KCNQ1: variants seen among roughly 807,000 people sequenced by gnomAD.
The protein encoded by KCNQ1 is potassium voltage-gated channel subfamily KQT member 1.
A neutral mutation model predicts 72.4 loss-of-function variants in KCNQ1; 49 were observed. The observed-to-expected ratio is 0.68, with a 90% CI of 0.54 to 0.86. The LOEUF (loss-of-function observed/expected upper bound fraction) is 0.86, where lower values mean the gene tolerates loss of function less well. Among genes scored for constraint, KCNQ1 ranks in the 40% least tolerant of loss-of-function variants. The pLI, the probability that KCNQ1 is intolerant of heterozygous loss-of-function variation, is 0.00. For synonymous variants in KCNQ1, 450 were observed against 412.6 expected (o/e 1.09, Z -1.10); for missense variants, 790 against 945.1 (o/e 0.84, Z 2.15).
intron 10 of KCNQ1, chr11:2,649,963 G>A (rs887847719): frequency 8.3e-5 from 33 of 398,280 alleles, no homozygotes; most frequent in Middle Eastern, 6.2e-4. Flanking sequence ...CATATGTCAC[G>A]CAGGCATTCT....
rs12290659 is a variant in KCNQ1 at position 2,626,147 on chromosome 11, T to C, written c.1394-35814T>C. ...CGCATACAAGAAGCACTGCCAATGA[T>C]GTAAAGTTTTTCCCCTATGTTTCCT... On this transcript the variant is annotated intron_variant, in intron 10 of 15. Transcript: ENST00000155840. The surrounding 1 kb of genome is among the most constrained non-coding windows in gnomAD (Gnocchi z 4.0). 1,370 of 397,800 alleles carry C rather than the reference T, an allele frequency of 3.4e-3. 13 individuals carry two copies. Among genetic ancestry groups the C allele is most frequent in the African/African-American group, 0.021 (996 of 47,978 alleles). 24.6% of individuals were successfully genotyped at this position (397,800 alleles called of 1,614,324 possible). A position where few individuals can be genotyped will look rare whatever the true frequency, so the allele number is the denominator to read the frequency against.
chr11:2,697,891 G>C, intron 11 of KCNQ1: 1 of 398,580 alleles, frequency 2.5e-6, no homozygotes, highest in African/African-American at 2.1e-5. Context: ...CCTCTAGCTG[G>C]AGCATAAATC....
At chr11:2,630,310 G>T in intron 10 of KCNQ1, 1 of 397,932 alleles carries the variant, frequency 2.5e-6, no homozygotes, top group South Asian at 1.3e-4. Context: ...AATTCAGTTT[G>T]ATCATATTTT....
intron 15 of KCNQ1, among the ~76,000 whole-genome samples, chr11:2,812,071 G>T (rs1465760717): frequency 6.6e-6 from 1 of 152,010 alleles, no homozygotes; most frequent in East Asian, 1.9e-4. Context: ...TCTCTAAGCC[G>T]CCGCCTCCTC....
rs11827546 is a variant in KCNQ1 at position 2,712,772 on chromosome 11, A to G, written c.1514+50691A>G. Among the ~76,000 whole-genome samples the G allele has an allele frequency of 0.015, 2,326 of 152,284 alleles. 63 individuals are homozygous for G. Among genetic ancestry groups the G allele is most frequent in the African/African-American group, 0.053 (2,192 of 41,562 alleles). On this transcript the variant is annotated intron_variant, in intron 11 of 15. Coordinates refer to ENST00000155840, the MANE Select transcript of KCNQ1 (RefSeq NM_000218.3). The surrounding 1 kb of genome is among the most constrained non-coding windows in gnomAD (Gnocchi z 6.4). ...AAAGCCAGAGTCCCCTGGCTCCTGC[A>G]CTTTTTCTGCACGGGACTCCCTCAC...
At chr11:2,587,760 A>G (rs1299047487) in intron 9 of KCNQ1, 68 bp downstream of exon 9, 6 of 1,606,002 alleles carry the variant, frequency 3.7e-6, no homozygotes, top group Non-Finnish European at 5.1e-6. Flanking sequence ...TGGGGGCCGC[A>G]GCACGAGGCT....
At position 2,565,936 on chromosome 11, in the gene KCNQ1, G is replaced by A. The variant is rs1163801976; in HGVS notation, c.478-4692G>A. On this transcript the variant is annotated intron_variant, in intron 2 of 15. Coordinates refer to ENST00000155840, the MANE Select transcript of KCNQ1 (RefSeq NM_000218.3). The surrounding 1 kb of genome is among the most constrained non-coding windows in gnomAD (Gnocchi z 5.6). ...GGCTCTTGTGCCTGCACCCGCCTTG[G>A]GGCCATCTGACACCCACACCCTCCC... 6.6e-6 allele frequency among the ~76,000 whole-genome samples: 1 copy of A among 152,018 alleles called. No homozygotes were observed. Among genetic ancestry groups the A allele is most frequent in the Non-Finnish European group, 1.5e-5 (1 of 67,994 alleles).
intron 10 of KCNQ1, among the ~76,000 whole-genome samples, chr11:2,596,744 T>G (rs914853229): frequency 6.6e-6 from 1 of 152,090 alleles, no homozygotes; most frequent in Non-Finnish European, 1.5e-5. Context: ...AAAAAAACTT[T>G]TGGGGCAGTG....
Position 2,620,729 on chromosome 11 carries a change from T to C in KCNQ1, c.1393+31875T>C, listed in dbSNP as rs1849155853. The stretch of plus-strand genomic sequence containing the variant: ...CCAGTAATGGGATTGCTGGGTCAGA[T>C]GGTAGTTCTGTTTTCAGTTATTTGA... On this transcript the variant is annotated intron_variant, in intron 10 of 15. Transcript: ENST00000155840. This position sits in a 1 kb window ranked among gnomAD's most constrained non-coding sequence, Gnocchi z 4.5. The C allele has an allele frequency of 2.5e-6, 1 of 398,624 alleles. No individual in the cohort carries two copies. Among genetic ancestry groups the C allele is most frequent in the Non-Finnish European group, 4.4e-6 (1 of 226,068 alleles). 24.7% of individuals were successfully genotyped at this position (398,624 alleles called of 1,614,324 possible).
Position 2,807,135 on chromosome 11 carries a change from G to A in KCNQ1, c.1794+29098G>A, listed in dbSNP as rs144231932. Among the ~76,000 whole-genome samples the A allele has an allele frequency of 1.6e-3, 246 of 152,348 alleles. 1 individual carries two copies. The highest frequency in any genetic ancestry group is 4.1e-3 in the African/African-American group (169 of 41,576). On this transcript the variant is annotated intron_variant, in intron 15 of 15. Coordinates refer to ENST00000155840, the MANE Select transcript of KCNQ1 (RefSeq NM_000218.3). ...AGTGTTTAAATGGCTGCTTTAGCCC[G>A]TTTGGAAGTCTGCTAATTATTCTCT...
At position 2,756,640 on chromosome 11, in the gene KCNQ1, G is replaced by T. The variant is rs1259115682; in HGVS notation, c.1515-12204G>T. Among the ~76,000 whole-genome samples, 3 of 152,084 alleles carry T rather than the reference G, an allele frequency of 2.0e-5. No individual in the cohort carries two copies. In the East Asian group the frequency reaches 5.8e-4, roughly 29 times the overall value. On this transcript the variant is annotated intron_variant, in intron 11 of 15. Transcript: ENST00000155840. ...TTTGTTTGTTTGTTTTTGTAGAGAT[G>T]TGGTTTGGCCGTGTTGCCCAGGCTG...
At chr11:2,776,335 C>T (rs1384358650) in intron 13 of KCNQ1, among the ~76,000 whole-genome samples, 2 of 152,096 alleles carry the variant, frequency 1.3e-5, no homozygotes, top group Non-Finnish European at 2.9e-5. Context: ...AGGCAAACAC[C>T]CGCCTCCGTC....
rs929714843 is a variant in KCNQ1 at position 2,611,680 on chromosome 11, T to C, written c.1393+22826T>C. 1.8e-5 allele frequency: 7 copies of C among 398,506 alleles called. No individual in the cohort carries two copies. In the South Asian group the frequency reaches 7.6e-4, roughly 43 times the overall value. The allele number at this position is 398,506 out of a possible 1,614,324, so 24.7% of individuals were successfully genotyped here. On this transcript the variant is annotated intron_variant, in intron 10 of 15. Transcript: ENST00000155840. This position sits in a 1 kb window ranked among gnomAD's most constrained non-coding sequence, Gnocchi z 5.3. ...AGGCAGTCTGGCAATCTCTGCTCTT[T>C]ATTGAGTTTTTAATTCACTTATATG... is the stretch of plus-strand genomic sequence containing the variant.
rs559703048 is a variant in KCNQ1, at chr11:2,550,254, C to T, written c.478-20374C>T. 2.0e-5 allele frequency among the ~76,000 whole-genome samples: 3 copies of T among 152,226 alleles called. No homozygotes were observed. The highest frequency in any genetic ancestry group is 2.1e-4 in the South Asian group (1 of 4,836). On this transcript the variant is annotated intron_variant, in intron 2 of 15. Transcript: ENST00000155840. The surrounding 1 kb of genome is among the most constrained non-coding windows in gnomAD (Gnocchi z 6.0). ...CCTGGAGTTTGAACTTTTCTGATCA[C>T]GGGGTGAGAGGGTCTTTGCAGTTGC...
In KCNQ1 at chr11:2,725,903, G is replaced by A. The variant is rs961111727; in HGVS notation, c.1515-42941G>A. On this transcript the variant is annotated intron_variant, in intron 11 of 15. Coordinates refer to ENST00000155840, the MANE Select transcript of KCNQ1 (RefSeq NM_000218.3). The surrounding 1 kb of genome is among the most constrained non-coding windows in gnomAD (Gnocchi z 7.2). The stretch of plus-strand genomic sequence containing the variant: ...TGGAGAGGCAGGAGGCCAACTCCCC[G>A]CTCCTCAGATTCTGCTGAACTAACT... Among the ~76,000 whole-genome samples the A allele has an allele frequency of 2.0e-5, 3 of 151,508 alleles. No homozygotes were observed. The highest frequency in any genetic ancestry group is 2.0e-4 in the East Asian group (1 of 5,098).
rs1229595695 is a variant in KCNQ1, at chr11:2,848,452, G to A, written c.*449G>A. Reference sequence around the variant, plus strand: ...CAGGACCCTGCCAGGCACAGGCAGGGCAGGACCAGCCCACGCTGACTACAG... The same window carrying A: ...CAGGACCCTGCCAGGCACAGGCAGGACAGGACCAGCCCACGCTGACTACAG... On this transcript the variant is annotated 3_prime_UTR_variant, in exon 16 of 16. Coordinates refer to ENST00000155840, the MANE Select transcript of KCNQ1 (RefSeq NM_000218.3). 2.2e-6 allele frequency: 1 copy of A among 463,314 alleles called. No homozygotes were observed. Among genetic ancestry groups the A allele is most frequent in the African/African-American group, 2.0e-5 (1 of 50,518 alleles). The allele number at this position is 463,314 out of a possible 1,614,324, so 28.7% of individuals were successfully genotyped here.
chr11:2,609,112 AG>A, intron 10 of KCNQ1: 1 of 398,044 alleles, frequency 2.5e-6, no homozygotes, highest in Non-Finnish European at 4.4e-6. Context: ...CTTGAGGTGG[AG>A]AGTTGGCTTA....
chr11:2,732,536 C>G (rs1468357979), intron 11 of KCNQ1, among the ~76,000 whole-genome samples: 2 of 152,164 alleles, frequency 1.3e-5, no homozygotes, highest in African/African-American at 4.8e-5. Flanking sequence ...TGGATGCAGC[C>G]GGGCAGTGAG....
chr11:2,801,981 G>A (rs916741805), intron 15 of KCNQ1, among the ~76,000 whole-genome samples: 3 of 152,246 alleles, frequency 2.0e-5, no homozygotes, highest in African/African-American at 7.2e-5. Flanking sequence ...GCAGGGTCTG[G>A]GGTCTTTGCC....
Sources: allele counts gnomAD v4.1 joint callset (sites outside exome capture counted in the v4.1 genomes callset), GRCh38; gene constraint gnomAD v4.1.1; non-coding constraint Gnocchi (gnomAD v3.1); transcripts MANE v1.5; gene names NCBI Gene and HGNC (gene_info 2026-07-23, HGNC 2026-07-21).